SUSD6: variants seen among roughly 807,000 people sequenced by gnomAD.
The protein encoded by SUSD6 is sushi domain containing 6.
Under a neutral mutation model 28.4 loss-of-function variants are expected in SUSD6, and 16 were observed. The observed-to-expected ratio is 0.56, with a 90% CI of 0.38 to 0.86. The LOEUF (loss-of-function observed/expected upper bound fraction) is 0.86. Ranked by LOEUF, SUSD6 falls within the 40% of genes least tolerant of loss-of-function variation. The probability of loss-of-function intolerance (pLI) is 0.00; values close to 1 mark genes in which losing one functional copy is unlikely to be tolerated. For synonymous variants in SUSD6, 147 were observed against 159.6 expected (o/e 0.92, Z 0.59); for missense variants, 341 against 384.2 (o/e 0.89, Z 0.94).
At chr14:69,702,443 C>A (rs1283304068) in intron 2 of SUSD6, among the ~76,000 whole-genome samples, 1 of 152,176 alleles carries the variant, frequency 6.6e-6, no homozygotes, top group Admixed American at 6.5e-5. Flanking sequence ...CTTCCAGATC[C>A]TCTGACTTAC....
chr14:69,644,083 G>T (rs1595039191), intron 1 of SUSD6, among the ~76,000 whole-genome samples: 1 of 152,040 alleles, frequency 6.6e-6, no homozygotes, highest in Admixed American at 6.5e-5. Context: ...ATTTGTGTTT[G>T]TGTCTTATAT....
chr14:69,627,080 T>C (rs1350564538), intron 1 of SUSD6, among the ~76,000 whole-genome samples: 3 of 152,168 alleles, frequency 2.0e-5, no homozygotes, highest in Non-Finnish European at 4.4e-5. Context: ...AGGGACCCTC[T>C]TAACTAATTG....
chr14:69,649,866 C>T (rs193111140), intron 1 of SUSD6, among the ~76,000 whole-genome samples: 4 of 152,214 alleles, frequency 2.6e-5, no homozygotes, highest in Admixed American at 2.6e-4. Context: ...GCAGGGAGCC[C>T]TATTAGGGAA....
chr14:69,654,086 A>G (rs1431393735), intron 1 of SUSD6, among the ~76,000 whole-genome samples: 4 of 152,190 alleles, frequency 2.6e-5, no homozygotes, highest in East Asian at 3.8e-4. Flanking sequence ...TCAGGATGGA[A>G]TTGGTTCCTC....
intron 2 of SUSD6, 102 bp downstream of exon 2, chr14:69,658,815 C>T (rs1435005729): frequency 6.7e-7 from 1 of 1,481,986 alleles, no homozygotes; most frequent in Non-Finnish European, 9.4e-7. Flanking sequence ...CAGGCGGTTT[C>T]AGGGAGAGCA....
At chr14:69,625,273 C>T (rs1322305175) in intron 1 of SUSD6, among the ~76,000 whole-genome samples, 2 of 152,194 alleles carry the variant, frequency 1.3e-5, no homozygotes, top group African/African-American at 4.8e-5. Context: ...CAGTATCTGG[C>T]ACATAGTTAA....
intron 2 of SUSD6, 58 bp from the exon 3 acceptor site, chr14:69,703,337 A>G (rs1886338599): frequency 7.3e-7 from 1 of 1,370,024 alleles, no homozygotes; most frequent in Non-Finnish European, 1.0e-6. Context: ...CGTCACTGAG[A>G]GCAGACTCCT....
intron 1 of SUSD6, among the ~76,000 whole-genome samples, chr14:69,637,835 G>A (rs1194088492): frequency 6.6e-6 from 1 of 152,144 alleles, no homozygotes; most frequent in East Asian, 1.9e-4. Context: ...ACCTGTGCAG[G>A]GGAGGGAGTG....
At chr14:69,633,781 T>C (rs1486841109) in intron 1 of SUSD6, among the ~76,000 whole-genome samples, 2 of 152,248 alleles carry the variant, frequency 1.3e-5, no homozygotes, top group African/African-American at 2.4e-5. Context: ...CTGAAATTCT[T>C]GGTAGGCTGG....
chr14:69,676,668 T>C (rs1039198008), intron 2 of SUSD6, among the ~76,000 whole-genome samples: 2 of 152,234 alleles, frequency 1.3e-5, no homozygotes, highest in African/African-American at 2.4e-5. Context: ...GTGCTGGGAT[T>C]ATAGGCATGA....
At chr14:69,671,915 A>G (rs763787036) in intron 2 of SUSD6, among the ~76,000 whole-genome samples, 14 of 152,224 alleles carry the variant, frequency 9.2e-5, no homozygotes, top group Non-Finnish European at 2.1e-4. Context: ...ATCTGTCACC[A>G]GTAACGCAGA....
At chr14:69,638,206 CT>C (rs560663238) in intron 1 of SUSD6, among the ~76,000 whole-genome samples, 57 of 152,278 alleles carry the variant, frequency 3.7e-4, no homozygotes, top group African/African-American at 1.3e-3. Flanking sequence ...TTATACCTTT[CT>C]GTTTACCACC....
At chr14:69,653,362 T>G (rs1215009141) in intron 1 of SUSD6, among the ~76,000 whole-genome samples, 1 of 152,168 alleles carries the variant, frequency 6.6e-6, no homozygotes, top group Non-Finnish European at 1.5e-5. Context: ...AAGCCGGCTA[T>G]TGGGGTAAGA....
chr14:69,641,824 C>A (rs1273001386), intron 1 of SUSD6, among the ~76,000 whole-genome samples: 1 of 151,564 alleles, frequency 6.6e-6, no homozygotes, highest in East Asian at 1.9e-4. Flanking sequence ...AGGCTGGTCT[C>A]GAACTCCTGG....
intron 1 of SUSD6, among the ~76,000 whole-genome samples, chr14:69,653,681 A>C (rs1159226580): frequency 7.0e-6 from 1 of 142,764 alleles, no homozygotes; most frequent in Non-Finnish European, 1.5e-5. Context: ...AGTGAAATGG[A>C]TTCTTTTTGT....
At chr14:69,690,100 C>T (rs76146378) in intron 2 of SUSD6, among the ~76,000 whole-genome samples, 6,100 of 152,326 alleles carry the variant, frequency 0.04, 433 homozygotes, top group African/African-American at 0.14. Context: ...GTGTGTGAGG[C>T]TGTCCGAGGC....
chr14:69,703,951 T>C (rs1886348739), intron 3 of SUSD6, among the ~76,000 whole-genome samples: 1 of 152,220 alleles, frequency 6.6e-6, no homozygotes, highest in Non-Finnish European at 1.5e-5. Context: ...TTTCCTTGAA[T>C]GGAGCTACAG....
chr14:69,701,207 C>CT (rs763198327), intron 2 of SUSD6, among the ~76,000 whole-genome samples: 4,092 of 144,522 alleles, frequency 0.028, 122 homozygotes, highest in African/African-American at 0.08. Context: ...GCAGTCCTCA[C>CT]TTTTTTTTTT....
chr14:69,668,892 G>C (rs995667847), intron 2 of SUSD6, among the ~76,000 whole-genome samples: 9 of 151,536 alleles, frequency 5.9e-5, no homozygotes, highest in African/African-American at 2.2e-4. Context: ...ACCATGTGAT[G>C]TGCCTGTTCC....
Sources: gnomAD v4.1 joint callset for allele counts (sites outside exome capture counted in the v4.1 genomes callset) on GRCh38, gnomAD v4.1.1 for gene constraint, MANE v1.5 for transcripts, NCBI Gene and HGNC (gene_info 2026-07-23, HGNC 2026-07-21) for gene names.